ARHGEF6: variants seen among roughly 807,000 people sequenced by gnomAD.
ARHGEF6 encodes the protein Rac/Cdc42 guanine nucleotide exchange factor 6.
Under a neutral mutation model 70.3 loss-of-function variants are expected in ARHGEF6, and 9 were observed. The ratio of observed to expected loss-of-function variants is 0.13; its 90% CI spans 0.08 to 0.22. The LOEUF (loss-of-function observed/expected upper bound fraction) is 0.22, where lower values mean the gene tolerates loss of function less well. Ranked by LOEUF, ARHGEF6 falls within the 10% of genes least tolerant of loss-of-function variation. ARHGEF6 has a pLI of 1.00. For synonymous variants in ARHGEF6, 201 were observed against 207.8 expected, an observed-to-expected ratio of 0.97 and a Z score of 0.28; for missense variants, 470 against 563.0, an observed-to-expected ratio of 0.83 and a Z score of 1.67.
intron 3 of ARHGEF6, among the ~76,000 whole-genome samples, chrX:136,746,196 C>G (rs2077093870): frequency 8.9e-6 from 1 of 112,140 alleles, no homozygotes; most frequent in Non-Finnish European, 1.9e-5. Context: ...AGGGAAGAGA[C>G]TGTAAAACTT....
intron 11 of ARHGEF6, among the ~76,000 whole-genome samples, 199 bp downstream of exon 11, chrX:136,687,733 C>G (rs929188239): frequency 8.9e-6 from 1 of 111,882 alleles, no homozygotes; most frequent in African/African-American, 3.3e-5. Context: ...TGCTTTATAC[C>G]CTCAGCCTGG....
In ARHGEF6 at chrX:136,672,056, T is replaced by C. The variant is rs1350294931; in HGVS notation, c.2099A>G (p.Glu700Gly). ...GATGGTCTGGCCGTTGCTTCTGGTT[T>C]CTTCAATGATGAGTTTCTCTTCCTC... ...LPEEEKLIIEETRSNGQTIME... is the reference protein window; with the variant it reads ...LPEEEKLIIEGTRSNGQTIME... Residue 700 changes from glutamate to glycine, a missense_variant, in exon 20 of 22, where the codon GAA (glutamate) becomes GGA (glycine). By Grantham distance (98) the Glu-to-Gly change is moderately conservative. Coordinates refer to ENST00000250617, the MANE Select transcript of ARHGEF6 (RefSeq NM_004840.3). 8.3e-7 allele frequency: 1 copy of C among 1,209,494 alleles called. No homozygotes were observed. Among genetic ancestry groups the C allele is most frequent in the Non-Finnish European group, 1.1e-6 (1 of 894,591 alleles).
intron 10 of ARHGEF6, 96 bp downstream of exon 10, chrX:136,690,514 C>G: frequency 9.9e-7 from 1 of 1,009,960 alleles, no homozygotes; most frequent in Middle Eastern, 2.6e-4. Flanking sequence ...GACCTTGATT[C>G]CTCTGCAAGG....
rs748678184 is a variant in ARHGEF6 at position 136,668,481 on chromosome X, C to T, written c.2191-312G>A. Among the ~76,000 whole-genome samples, 6 of 110,079 alleles carry T rather than the reference C, an allele frequency of 5.5e-5. No individual in the cohort carries two copies. In the East Asian group the frequency reaches 1.4e-3, roughly 26 times the overall value. On this transcript the variant is annotated intron_variant, in intron 21 of 21. Transcript: ENST00000250617. ...GGTACTGACCTTGTCTCCTGAGAATCGGGTCCACAATCTCAACTGTCAGCC... is the reference window on the plus strand; with the variant it reads ...GGTACTGACCTTGTCTCCTGAGAATTGGGTCCACAATCTCAACTGTCAGCC...
chrX:136,691,606 C>T (rs2076458745), intron 9 of ARHGEF6, among the ~76,000 whole-genome samples: 1 of 112,033 alleles, frequency 8.9e-6, no homozygotes, highest in African/African-American at 3.2e-5. Context: ...TATTACATGG[C>T]CCTTTTACCT....
Position 136,754,795 on chromosome X carries a change from G to A in ARHGEF6, c.250-7203C>T, listed in dbSNP as rs953768774. ...TCAGCCAGCCATTGTGGCTTGGCGG[G>A]CTCCCACCCCTCCTCCTGTGCTCCT... On this transcript the variant is annotated intron_variant, in intron 2 of 21. Transcript: ENST00000250617. 1.3e-3 allele frequency among the ~76,000 whole-genome samples: 144 copies of A among 111,202 alleles called. 1 individual carries two copies. The highest frequency in any genetic ancestry group is 7.6e-4 in the South Asian group (2 of 2,649).
At chrX:136,703,465 C>A (rs144941013) in intron 9 of ARHGEF6, among the ~76,000 whole-genome samples, 2 of 112,408 alleles carry the variant, frequency 1.8e-5, no homozygotes, top group Non-Finnish European at 3.8e-5. Context: ...TCCAAAAGTG[C>A]GTACTCACTT....
chrX:136,670,171 C>T (rs2076209351), intron 20 of ARHGEF6, among the ~76,000 whole-genome samples: 1 of 112,005 alleles, frequency 8.9e-6, no homozygotes, highest in Non-Finnish European at 1.9e-5. Flanking sequence ...TCTTCCCATA[C>T]ACTTTAAATC....
chrX:136,691,025 A>AGGC (rs1281066078), intron 9 of ARHGEF6, among the ~76,000 whole-genome samples: 1 of 110,207 alleles, frequency 9.1e-6, no homozygotes, highest in Non-Finnish European at 1.9e-5. Context: ...ACTAAGTGAC[A>AGGC]GGCTCTGTTC....
intron 9 of ARHGEF6, 56 bp downstream of exon 9, chrX:136,706,852 A>T (rs2076631818): frequency 2.5e-6 from 3 of 1,200,169 alleles, no homozygotes; most frequent in Non-Finnish European, 3.4e-6. Flanking sequence ...TTTCCAAATG[A>T]CGTGGTCCTA....
At chrX:136,727,175 A>G (rs910585763) in intron 6 of ARHGEF6, among the ~76,000 whole-genome samples, 1 of 111,742 alleles carries the variant, frequency 8.9e-6, no homozygotes, top group Non-Finnish European at 1.9e-5. Context: ...TGAAGTGAGC[A>G]TCAGAGCCAC....
chrX:136,676,518 A>G lies in ARHGEF6; in HGVS notation c.1945+106T>C, dbSNP rs983149656. The G allele has an allele frequency of 1.9e-5, 12 of 636,560 alleles. No homozygotes were observed. The African/African-American group carries it at 2.4e-4, about 13-fold the overall frequency. The allele number at this position is 636,560 out of a possible 1,213,427, so 52.5% of individuals were successfully genotyped here. ...TCTTTATATGTAAAAGACGATGTCA[A>G]GAAAAAATTGCTCCAATCATCTGCT... On this transcript the variant is annotated intron_variant, in intron 18 of 21. Coordinates refer to ENST00000250617, the MANE Select transcript of ARHGEF6 (RefSeq NM_004840.3).
chrX:136,761,912 C>CT (rs755982570), intron 2 of ARHGEF6, among the ~76,000 whole-genome samples: 122 of 104,897 alleles, frequency 1.2e-3, no homozygotes, highest in East Asian at 0.011. Flanking sequence ...CATTTTTTTT[C>CT]TTTTTTTTTT....
At chrX:136,676,881 C>A (rs2076286630) in intron 17 of ARHGEF6, 164 bp from the exon 18 acceptor site, 7 of 464,119 alleles carry the variant, frequency 1.5e-5, no homozygotes, top group Admixed American at 3.1e-5. Context: ...CCAATAAACT[C>A]TAAAAGGTTA....
At chrX:136,740,127 G>A (rs2077028004) in intron 5 of ARHGEF6, among the ~76,000 whole-genome samples, 1 of 111,080 alleles carries the variant, frequency 9.0e-6, no homozygotes, top group Admixed American at 9.5e-5. Flanking sequence ...TCCTGCCTTA[G>A]CCTCCCAAGT....
chrX:136,691,493 G>A (rs922614323), intron 9 of ARHGEF6, among the ~76,000 whole-genome samples: 6 of 112,308 alleles, frequency 5.3e-5, no homozygotes, highest in African/African-American at 1.9e-4. Context: ...CAGGGATATT[G>A]AGTCCTGGGG....
intron 2 of ARHGEF6, chrX:136,767,088 C>A (rs2077322439): frequency 1.3e-6 from 1 of 752,370 alleles, no homozygotes; most frequent in African/African-American, 2.3e-5. Context: ...CGGCACCCAC[C>A]CCCGGGCCCT....
chrX:136,718,062 A>G (rs1241268340), intron 6 of ARHGEF6, among the ~76,000 whole-genome samples: 1 of 111,701 alleles, frequency 9.0e-6, no homozygotes, highest in African/African-American at 3.2e-5. Flanking sequence ...CAATGAAAAG[A>G]CAGACATTTT....
chrX:136,670,031 A>G (rs890063967), intron 20 of ARHGEF6, among the ~76,000 whole-genome samples: 17 of 111,923 alleles, frequency 1.5e-4, no homozygotes, highest in African/African-American at 5.5e-4. Flanking sequence ...ACTCCATTGT[A>G]AACTATGCAG....
Sources: allele counts gnomAD v4.1 joint callset (sites outside exome capture counted in the v4.1 genomes callset), GRCh38; gene constraint gnomAD v4.1.1; transcripts MANE v1.5; gene names NCBI Gene and HGNC (gene_info 2026-07-23, HGNC 2026-07-21).